Variants in MADD observed in about 807,000 individuals in gnomAD.
The protein encoded by MADD is MAP kinase activating death domain, also known as MAP kinase-activating death domain protein.
A neutral mutation model predicts 176.7 loss-of-function variants in MADD; 109 were observed. The ratio of observed to expected loss-of-function variants is 0.62; its 90% CI spans 0.53 to 0.72. The LOEUF is 0.72. Among genes scored for constraint, MADD ranks in the 30% least tolerant of loss-of-function variants. The probability of loss-of-function intolerance (pLI) is 0.00; values close to 1 mark genes in which losing one functional copy is unlikely to be tolerated. For missense variants in MADD, 1,914 were observed against 2,045.5 expected (o/e 0.94, Z 1.24); for synonymous variants, 771 against 771.3 (o/e 1.00, Z 0.01).
chr11:47,304,580 T>G (rs2081043680), intron 22 of MADD, among the ~76,000 whole-genome samples: 1 of 119,668 alleles, frequency 8.4e-6, no homozygotes, highest in African/African-American at 3.5e-5. Context: ...GCTGCAAGAT[T>G]TCTGTTTTTT....
intron 22 of MADD, among the ~76,000 whole-genome samples, chr11:47,299,086 T>C (rs923521726): frequency 4.6e-5 from 7 of 152,226 alleles, no homozygotes; most frequent in African/African-American, 1.7e-4. Flanking sequence ...TTACTATAGC[T>C]TTGTCTTATA....
rs532602087 is a variant in MADD at position 47,274,034 on chromosome 11, G to A, written c.62+58G>A. On this transcript the variant is annotated intron_variant, in intron 2 of 32. Coordinates refer to ENST00000402192, the Ensembl canonical transcript of MADD. ...ATCTGGGATAGCCATAAAATCTGCA[G>A]TTGTTCCCTTCTCCGATTTCCATGT... 5 of 1,482,366 alleles carry A rather than the reference G, an allele frequency of 3.4e-6. No homozygotes were observed. In the South Asian group the frequency reaches 3.4e-5, roughly 10 times the overall value. The allele number at this position is 1,482,366 out of a possible 1,614,324, so 91.8% of individuals were successfully genotyped here. A position where few individuals can be genotyped will look rare whatever the true frequency, so the allele number is the denominator to read the frequency against.
At chr11:47,284,234 A>G in exon 11 of MADD, 7 of 1,614,086 alleles carry the variant, frequency 4.3e-6, no homozygotes, top group Non-Finnish European at 5.9e-6. Context: ...TCCCTTGGTG[A>G]CTTTGTCAGT....
chr11:47,295,647 CTTTCT>C, intron 21 of MADD, 68 bp downstream of exon 23: 1 of 1,607,134 alleles, frequency 6.2e-7, no homozygotes. Context: ...AAGGGTGCTA[CTTTCT>C]CTTTGGAGGC....
chr11:47,300,460 C>T (rs913340092), intron 22 of MADD, among the ~76,000 whole-genome samples: 45 of 149,434 alleles, frequency 3.0e-4, no homozygotes, highest in Admixed American at 1.1e-3. Flanking sequence ...ACCCCCCGCC[C>T]GCCCCAAAGT....
At chr11:47,326,294 A>G (rs2095452192) in intron 30 of MADD, among the ~76,000 whole-genome samples, 1 of 152,016 alleles carries the variant, frequency 6.6e-6, no homozygotes, top group African/African-American at 2.4e-5. Flanking sequence ...GGATACCAAC[A>G]CCTCCCACCC....
chr11:47,325,903 C>T lies in MADD; in HGVS notation c.4543-835C>T, dbSNP rs1348817021. ...GACTGCAGAGAAGGGGAGGAAAGCC[C>T]GGGTTCTCAATCTCACCTCACAGTT... On this transcript the variant is annotated intron_variant, in intron 30 of 32. Transcript: ENST00000402192. This position sits in a 1 kb window ranked among gnomAD's most constrained non-coding sequence, Gnocchi z 4.5. Among the ~76,000 whole-genome samples the T allele has an allele frequency of 2.6e-5, 4 of 152,188 alleles. No individual in the cohort carries two copies. The highest frequency in any genetic ancestry group is 1.9e-4 in the East Asian group (1 of 5,192).
At chr11:47,282,035 A>G (rs898051075) in intron 8 of MADD, among the ~76,000 whole-genome samples, 72 of 151,784 alleles carry the variant, frequency 4.7e-4, no homozygotes, top group African/African-American at 1.6e-3. Context: ...GGGTTTCACC[A>G]TGTTGGCCAG....
Position 47,276,907 on chromosome 11 carries a change from T to A in MADD, c.1095+44T>A, listed in dbSNP as rs562176734. 111 of 1,607,242 alleles carry A rather than the reference T, an allele frequency of 6.9e-5. 1 individual carries two copies. The South Asian group carries it at 1.1e-3, about 16-fold the overall frequency. ...TCCGGCTTTCTCACCTCTGTCTTCCTGAGGGAGGAGGCTTAATGCTCAAAG... is the reference window on the plus strand; with the variant it reads ...TCCGGCTTTCTCACCTCTGTCTTCCAGAGGGAGGAGGCTTAATGCTCAAAG... On this transcript the variant is annotated intron_variant, in intron 5 of 32. Coordinates refer to ENST00000402192, the Ensembl canonical transcript of MADD.
In MADD at chr11:47,276,880, C is replaced by T; in HGVS notation, c.1095+17C>T. On this transcript the variant is annotated intron_variant, in intron 5 of 32. Coordinates refer to ENST00000402192, the Ensembl canonical transcript of MADD. ...GCAGAGCAGGTGAGTCTCAAGGCGACTTCCGGCTTTCTCACCTCTGTCTTC... is the reference window on the plus strand; with the variant it reads ...GCAGAGCAGGTGAGTCTCAAGGCGATTTCCGGCTTTCTCACCTCTGTCTTC... 1 of 1,613,338 alleles carries T rather than the reference C, an allele frequency of 6.2e-7. No individual in the cohort carries two copies. The highest frequency in any genetic ancestry group is 8.5e-7 in the Non-Finnish European group (1 of 1,179,734).
At chr11:47,295,496 A>G (rs772004622) in exon 21 of MADD, 1 of 1,612,406 alleles carries the variant, frequency 6.2e-7, no homozygotes, top group South Asian at 1.1e-5. Context: ...CTTGTTTCAG[A>G]GGACTGATCA....
intron 23 of MADD, chr11:47,309,031 CCTTTT>C: frequency 1.2e-6 from 2 of 1,614,042 alleles, no homozygotes; most frequent in Non-Finnish European, 1.7e-6. Flanking sequence ...GCTATGGAGA[CCTTTT>C]CTATAAGTAA....
intron 30 of MADD, chr11:47,324,975 G>C (rs1219246648): frequency 5.2e-6 from 3 of 577,164 alleles, no homozygotes; most frequent in Non-Finnish European, 9.3e-6. Flanking sequence ...ATCTCCTTGT[G>C]TCTTTCTGGT....
intron 5 of MADD, 74 bp downstream of exon 5, chr11:47,276,937 T>A (rs1180005142): frequency 6.5e-7 from 1 of 1,531,384 alleles, no homozygotes; most frequent in Non-Finnish European, 8.9e-7. Flanking sequence ...TCAAAGAAGT[T>A]GTAAGTGAGT....
At chr11:47,313,996 G>T (rs769595624) in intron 26 of MADD, among the ~76,000 whole-genome samples, 2 of 151,522 alleles carry the variant, frequency 1.3e-5, no homozygotes, top group Non-Finnish European at 2.9e-5. Flanking sequence ...CTGACCTTTT[G>T]ATCCGCCCAC....
chr11:47,277,586 C>T (rs532756108), intron 5 of MADD, among the ~76,000 whole-genome samples: 9 of 152,238 alleles, frequency 5.9e-5, no homozygotes, highest in South Asian at 2.1e-4. Flanking sequence ...CATGAGCCAC[C>T]GTGCCCAGCC....
intron 12 of MADD, 148 bp from the exon 13 acceptor site, chr11:47,284,793 G>T: frequency 7.8e-7 from 1 of 1,278,620 alleles, no homozygotes; most frequent in South Asian, 1.4e-5. Flanking sequence ...TAGTTTGTGG[G>T]GACAGAGAAC....
At chr11:47,274,715 G>A (rs765450021) in exon 3 of MADD, 12 of 1,614,176 alleles carry the variant, frequency 7.4e-6, no homozygotes, top group South Asian at 4.4e-5. Context: ...ATGAGCCTTC[G>A]GGATGATACC....
chr11:47,314,390 G>A (rs1196340606), intron 26 of MADD, among the ~76,000 whole-genome samples: 1 of 152,186 alleles, frequency 6.6e-6, no homozygotes, highest in African/African-American at 2.4e-5. Flanking sequence ...GGATTTTAAT[G>A]TAACAATGTA....
Sources: gnomAD v4.1 joint callset for allele counts (sites outside exome capture counted in the v4.1 genomes callset) on GRCh38, gnomAD v4.1.1 for gene constraint, Gnocchi (gnomAD v3.1) non-coding constraint, MANE v1.5 for transcripts, NCBI Gene and HGNC (gene_info 2026-07-23, HGNC 2026-07-21) for gene names.